RPTOR: variants seen among roughly 807,000 people sequenced by gnomAD.
The protein encoded by RPTOR is regulatory associated protein of MTOR complex 1.
In RPTOR, 21 loss-of-function variants were observed where a neutral mutation model predicts 169.9. The ratio of observed to expected loss-of-function variants is 0.12; its 90% CI spans 0.09 to 0.18. The LOEUF (loss-of-function observed/expected upper bound fraction) is 0.18. Among genes scored for constraint, RPTOR ranks in the 10% least tolerant of loss-of-function variants. RPTOR has a pLI of 1.00. For missense variants in RPTOR, 1,133 were observed against 1,855.9 expected, an observed-to-expected ratio of 0.61 and a Z score of 7.16; for synonymous variants, 732 against 753.2, an observed-to-expected ratio of 0.97 and a Z score of 0.46.
At chr17:80,653,813 G>A (rs747530458) in intron 3 of RPTOR, among the ~76,000 whole-genome samples, 17 of 152,114 alleles carry the variant, frequency 1.1e-4, no homozygotes, top group Non-Finnish European at 1.8e-4. Flanking sequence ...CATCTGCTTG[G>A]GCCCAGGGGT....
intron 11 of RPTOR, among the ~76,000 whole-genome samples, chr17:80,853,717 G>A (rs536500552): frequency 5.4e-4 from 82 of 152,302 alleles, no homozygotes; most frequent in Middle Eastern, 3.4e-3. Context: ...GGTGGCTCAC[G>A]CCTGTAATCC....
At chr17:80,856,060 G>A (rs950924576) in intron 12 of RPTOR, among the ~76,000 whole-genome samples, 3 of 152,178 alleles carry the variant, frequency 2.0e-5, no homozygotes, top group South Asian at 2.1e-4. Flanking sequence ...AAGAAGCGAC[G>A]TGCGTTTAAC....
intron 1 of RPTOR, among the ~76,000 whole-genome samples, chr17:80,573,867 C>A (rs1193110384): frequency 6.6e-6 from 1 of 152,208 alleles, no homozygotes; most frequent in Non-Finnish European, 1.5e-5. Flanking sequence ...GATGGAGAAC[C>A]AGCTCCTAGC....
At chr17:80,737,727 G>C (rs1000414300) in intron 5 of RPTOR, among the ~76,000 whole-genome samples, 3 of 151,998 alleles carry the variant, frequency 2.0e-5, no homozygotes, top group African/African-American at 7.3e-5. Context: ...CAAAACATTA[G>C]AATATCTGCT....
At chr17:80,738,643 C>T (rs539393376) in intron 5 of RPTOR, among the ~76,000 whole-genome samples, 1 of 152,358 alleles carries the variant, frequency 6.6e-6, no homozygotes, top group South Asian at 2.1e-4. Flanking sequence ...ATCTCCTACA[C>T]AGCGGCCTTG....
At chr17:80,758,428 G>T (rs1267408592) in intron 6 of RPTOR, among the ~76,000 whole-genome samples, 1 of 152,144 alleles carries the variant, frequency 6.6e-6, no homozygotes, top group African/African-American at 2.4e-5. Flanking sequence ...CTTCTCCTGG[G>T]ACTCTGGCAC....
chr17:80,805,140 CT>C (rs11284201), intron 7 of RPTOR: 31,205 of 152,170 alleles, frequency 0.21, 3,405 homozygotes, highest in African/African-American at 0.26. Flanking sequence ...ATTTCAGCAT[CT>C]TTTCAGAGAC....
At chr17:80,864,188 C>T (rs991857892) in intron 13 of RPTOR, among the ~76,000 whole-genome samples, 5 of 152,168 alleles carry the variant, frequency 3.3e-5, no homozygotes, top group Admixed American at 2.0e-4. Flanking sequence ...GAAGGCATAT[C>T]GCAATCAAAT....
At position 80,674,817 on chromosome 17, in the gene RPTOR, A is replaced by C. The variant is rs12938291; in HGVS notation, c.348+31007A>C. On this transcript the variant is annotated intron_variant, in intron 3 of 33. Coordinates refer to ENST00000306801, the MANE Select transcript of RPTOR (RefSeq NM_020761.3). ...AAAAAAAAAAAAAAAAAAAAAAAAA[A>C]AAAAAAAACAACTTCTCAACATAAG... 8.1e-5 allele frequency among the ~76,000 whole-genome samples: 11 copies of C among 135,304 alleles called. No homozygotes were observed. In the South Asian group the frequency reaches 2.2e-3, roughly 27 times the overall value. 88.8% of individuals were successfully genotyped at this position (135,304 alleles called of 152,430 possible).
chr17:80,772,752 T>G (rs1268781008), intron 6 of RPTOR, among the ~76,000 whole-genome samples: 1 of 151,978 alleles, frequency 6.6e-6, no homozygotes, highest in African/African-American at 2.4e-5. Flanking sequence ...GACTAATGTG[T>G]ATTTAATTTT....
At position 80,945,682 on chromosome 17, in the gene RPTOR, A is replaced by C; in HGVS notation, c.3041A>C (p.Asp1014Ala). Residue 1014 changes from aspartate (D) to alanine (A), a missense_variant, in exon 26 of 34, where the codon GAC becomes GCC. Asp to Ala is a moderately radical substitution (Grantham distance 126, BLOSUM62 -2). This residue lies in a region of RPTOR where 410 missense variants were observed against 623.7 expected (regional missense o/e 0.66). Coordinates refer to ENST00000306801, the MANE Select transcript of RPTOR (RefSeq NM_020761.3). ...QVIQKGITRL[D>A]DQIFLNRNPG... is the part of the protein sequence containing the mutation. ...CTTTTGACAGGCATTACGAGATTGG[A>C]CGACCAAATATTTCTGAACAGGAAC... The C allele has an allele frequency of 6.2e-7, 1 of 1,609,862 alleles. No homozygotes were observed. The highest frequency in any genetic ancestry group is 8.5e-7 in the Non-Finnish European group (1 of 1,178,296).
At chr17:80,621,528 G>C (rs901061) in intron 1 of RPTOR, among the ~76,000 whole-genome samples, 52,319 of 151,844 alleles carry the variant, frequency 0.34, 9,176 homozygotes, top group African/African-American at 0.39. Flanking sequence ...CCCAGCAGCC[G>C]CAGAGCCTCT....
intron 3 of RPTOR, among the ~76,000 whole-genome samples, chr17:80,704,392 C>G (rs1015129690): frequency 6.6e-6 from 1 of 152,168 alleles, no homozygotes; most frequent in Non-Finnish European, 1.5e-5. Context: ...TCACCAAGAA[C>G]ACAAATAAAC....
Position 80,793,354 on chromosome 17 carries a change from C to G in RPTOR, c.890+1845C>G, listed in dbSNP as rs146996745. ...TTATATATCTAATTTCTTAAATAAACCATATCCATTAATATTTCAGCAGTT... is the reference window on the plus strand; with the variant it reads ...TTATATATCTAATTTCTTAAATAAAGCATATCCATTAATATTTCAGCAGTT... On this transcript the variant is annotated intron_variant, in intron 7 of 33. Transcript: ENST00000306801. Among the ~76,000 whole-genome samples, 28 of 152,308 alleles carry G rather than the reference C, an allele frequency of 1.8e-4. No homozygotes were observed. The East Asian group carries it at 4.6e-3, about 25-fold the overall frequency.
rs760447146 is a variant in RPTOR at position 80,922,839 on chromosome 17, C to G, written c.2624+12C>G. The G allele has an allele frequency of 6.5e-7, 1 of 1,547,082 alleles. No individual in the cohort carries two copies. Among genetic ancestry groups the G allele is most frequent in the Admixed American group, 1.9e-5 (1 of 52,156 alleles). Reference sequence around the variant, plus strand: ...ATCCACCAGGCGGGGTAAGTGCCGCCCGCTCAGCCTGCAGGTCCGTGGTGG... The same window carrying G: ...ATCCACCAGGCGGGGTAAGTGCCGCGCGCTCAGCCTGCAGGTCCGTGGTGG... On this transcript the variant is annotated intron_variant, in intron 22 of 33. Transcript: ENST00000306801.
chr17:80,863,255 C>G (rs1010060195), intron 13 of RPTOR, among the ~76,000 whole-genome samples: 27 of 152,222 alleles, frequency 1.8e-4, no homozygotes, highest in African/African-American at 6.3e-4. Context: ...AGAAAGCCGT[C>G]TGTCCAGGAT....
chr17:80,960,703 A>G lies in RPTOR; in HGVS notation c.3605+498A>G, dbSNP rs1200917799. On this transcript the variant is annotated intron_variant, in intron 30 of 33. Coordinates refer to ENST00000306801, the MANE Select transcript of RPTOR (RefSeq NM_020761.3). The surrounding 1 kb of genome is among the most constrained non-coding windows in gnomAD (Gnocchi z 4.8). ...GTGCTGTCCGCGTCTGGCAGAGGACAGGGTACACGCATGGGCACAGCAGCC... is the reference window on the plus strand; with the variant it reads ...GTGCTGTCCGCGTCTGGCAGAGGACGGGGTACACGCATGGGCACAGCAGCC... 1 of 197,068 alleles carries G rather than the reference A, an allele frequency of 5.1e-6. No homozygotes were observed. The highest frequency in any genetic ancestry group is 2.3e-5 in the African/African-American group (1 of 43,838). 12.2% of individuals were successfully genotyped at this position (197,068 alleles called of 1,614,324 possible).
chr17:80,938,057 C>T (rs1001075893), intron 24 of RPTOR, among the ~76,000 whole-genome samples: 2 of 152,226 alleles, frequency 1.3e-5, no homozygotes, highest in Admixed American at 6.5e-5. Flanking sequence ...AGGGAAGTGG[C>T]GGCCCCTACC....
chr17:80,829,635 C>T (rs572616570), intron 9 of RPTOR, among the ~76,000 whole-genome samples: 23 of 152,244 alleles, frequency 1.5e-4, no homozygotes, highest in African/African-American at 4.6e-4. Flanking sequence ...GCATGGGGGG[C>T]GGCCCGTAGA....
Sources: gnomAD v4.1 joint callset for allele counts (sites outside exome capture counted in the v4.1 genomes callset) on GRCh38, gnomAD v4.1.1 for gene constraint, gnomAD v4.1.1 regional missense constraint, Gnocchi (gnomAD v3.1) non-coding constraint, MANE v1.5 for transcripts, NCBI Gene and HGNC (gene_info 2026-07-23, HGNC 2026-07-21) for gene names.